Variants in GRK7 observed in about 807,000 individuals in gnomAD.
GRK7 encodes the protein G protein-coupled receptor kinase 7.
A neutral mutation model predicts 34.1 loss-of-function variants in GRK7; 24 were observed. That is an observed-to-expected ratio of 0.70 (90% CI 0.51 to 0.99). GRK7 has a LOEUF of 0.99. Ranked by LOEUF, GRK7 falls within the 50% of genes least tolerant of loss-of-function variation. GRK7 has a pLI of 0.00. For missense variants in GRK7, 644 were observed against 707.3 expected, an observed-to-expected ratio of 0.91 and a Z score of 1.02; for synonymous variants, 256 against 279.4, an observed-to-expected ratio of 0.92 and a Z score of 0.84.
At position 141,780,620 on chromosome 3, in the gene GRK7, G is replaced by A; in HGVS notation, c.859G>A (p.Gly287Ser). 1 of 1,614,230 alleles carries A rather than the reference G, an allele frequency of 6.2e-7. No individual in the cohort carries two copies. Among genetic ancestry groups the A allele is most frequent in the South Asian group, 1.1e-5 (1 of 91,084 alleles). The change falls in exon 4 of 6, where the codon GGC (glycine) becomes AGC (serine). Residue 287 changes from glycine (G) to serine (S), a missense_variant. Transcript: ENST00000682958. Reference protein sequence around the residue: ...KFHIYNVGTRGLDMSRVIFYS... With the variant: ...KFHIYNVGTRSLDMSRVIFYS... ...CCACATCTACAACGTGGGCACGCGTGGCCTGGACATGAGCCGGGTGATCTT... is the reference window on the plus strand; with the variant it reads ...CCACATCTACAACGTGGGCACGCGTAGCCTGGACATGAGCCGGGTGATCTT...
chr3:141,765,363 T>G lies in GRK7; in HGVS notation c.-590T>G, dbSNP rs1162910449. ...CTTGCCTGACCACCCTATTTAAAAG[T>G]GAAGCCTTCTCCCTGGTGTATCTCA... is the stretch of plus-strand genomic sequence containing the variant. On this transcript the variant is annotated 5_prime_UTR_variant, in exon 1 of 6. Coordinates refer to ENST00000682958, the MANE Select transcript of GRK7 (RefSeq NM_139209.3). 6.6e-6 allele frequency among the ~76,000 whole-genome samples: 1 copy of G among 152,170 alleles called. No individual in the cohort carries two copies. Among genetic ancestry groups the G allele is most frequent in the Non-Finnish European group, 1.5e-5 (1 of 68,026 alleles).
intron 3 of GRK7, among the ~76,000 whole-genome samples, chr3:141,779,423 A>AAAAAAG (rs1553735436): frequency 2.7e-5 from 4 of 150,532 alleles, no homozygotes; most frequent in Admixed American, 2.0e-4. Context: ...AAAAAAAAAA[A>AAAAAAG]AAAGAAAGAA....
chr3:141,772,627 A>G (rs2084621760), intron 1 of GRK7, among the ~76,000 whole-genome samples: 1 of 152,156 alleles, frequency 6.6e-6, no homozygotes, highest in Non-Finnish European at 1.5e-5. Context: ...CTTAGGATGT[A>G]TTTTCAGAGA....
At chr3:141,772,214 C>G (rs1487870430) in intron 1 of GRK7, among the ~76,000 whole-genome samples, 1 of 152,166 alleles carries the variant, frequency 6.6e-6, no homozygotes, top group Non-Finnish European at 1.5e-5. Flanking sequence ...CCTGCCTCAG[C>G]CTCCCAAGTA....
chr3:141,773,846 A>T (rs1038358936), intron 1 of GRK7, among the ~76,000 whole-genome samples: 1 of 152,232 alleles, frequency 6.6e-6, no homozygotes, highest in African/African-American at 2.4e-5. Context: ...ACTAAGGCTC[A>T]GAGAAGTTAA....
intron 4 of GRK7, among the ~76,000 whole-genome samples, chr3:141,797,888 C>A (rs77398751): frequency 0.048 from 7,364 of 152,226 alleles, 167 homozygotes; most frequent in South Asian, 0.093. Flanking sequence ...GAAGGACCTG[C>A]GCACACTCAT....
chr3:141,787,248 T>A (rs537383073), intron 4 of GRK7, among the ~76,000 whole-genome samples: 1 of 152,176 alleles, frequency 6.6e-6, no homozygotes, highest in African/African-American at 2.4e-5. Flanking sequence ...TTTGTGGTAA[T>A]TTGTTACACA....
In GRK7 at chr3:141,817,560, T is replaced by C. The variant is rs1292630050; in HGVS notation, c.*510T>C. 2 of 152,400 alleles carry C rather than the reference T, an allele frequency of 1.3e-5. No individual in the cohort carries two copies. Among genetic ancestry groups the C allele is most frequent in the Non-Finnish European group, 2.9e-5 (2 of 68,138 alleles). 9.4% of individuals were successfully genotyped at this position (152,400 alleles called of 1,614,324 possible). On this transcript the variant is annotated 3_prime_UTR_variant, in exon 6 of 6. Transcript: ENST00000682958. ...GGAGTGGATTACAATATTTTGGCAA[T>C]GTTTTAAATCACAGAATAATTTTCA...
At chr3:141,790,819 C>T (rs1019664639) in intron 4 of GRK7, among the ~76,000 whole-genome samples, 8 of 152,212 alleles carry the variant, frequency 5.3e-5, no homozygotes, top group African/African-American at 1.9e-4. Context: ...CCACCTCGGC[C>T]TCTCAAAGTG....
intron 5 of GRK7, among the ~76,000 whole-genome samples, chr3:141,808,667 C>T (rs1431211161): frequency 1.3e-5 from 2 of 152,032 alleles, no homozygotes; most frequent in Non-Finnish European, 1.5e-5. Context: ...GAGCCAAGAT[C>T]AAGCCACTGC....
At chr3:141,776,249 T>C (rs2084638130) in intron 2 of GRK7, among the ~76,000 whole-genome samples, 2 of 151,988 alleles carry the variant, frequency 1.3e-5, no homozygotes, top group African/African-American at 4.8e-5. Context: ...ATCACGCCAC[T>C]GCACTCCAGC....
intron 4 of GRK7, among the ~76,000 whole-genome samples, chr3:141,796,030 C>T (rs538298230): frequency 6.6e-6 from 1 of 152,292 alleles, no homozygotes; most frequent in Non-Finnish European, 1.5e-5. Flanking sequence ...ATGTTAGAAG[C>T]TCAGAGCATT....
Position 141,763,979 on chromosome 3 carries a change from T to G in GRK7, c.-1974T>G, listed in dbSNP as rs1247149536. On this transcript the variant is annotated 5_prime_UTR_variant, in exon 1 of 6. An upstream start codon of the reference 5' UTR is lost. Coordinates refer to ENST00000682958, the MANE Select transcript of GRK7 (RefSeq NM_139209.3). ...CCTCATCCAACTGGACCTGGCAACATGCAAGACGTCTTCATTTCTCTTCAT... is the reference window on the plus strand; with the variant it reads ...CCTCATCCAACTGGACCTGGCAACAGGCAAGACGTCTTCATTTCTCTTCAT... 1.3e-5 allele frequency among the ~76,000 whole-genome samples: 2 copies of G among 152,182 alleles called. No homozygotes were observed. Among genetic ancestry groups the G allele is most frequent in the African/African-American group, 4.8e-5 (2 of 41,446 alleles).
the GRK7 span, among the ~76,000 whole-genome samples, chr3:141,754,242 T>A: frequency 6.6e-6 from 1 of 152,196 alleles, no homozygotes; most frequent in Admixed American, 6.5e-5. Flanking sequence ...CATCAGAAAC[T>A]AGGCTTTCTG....
intron 4 of GRK7, among the ~76,000 whole-genome samples, chr3:141,800,870 G>A (rs1485579630): frequency 6.6e-6 from 1 of 152,152 alleles, no homozygotes; most frequent in Non-Finnish European, 1.5e-5. Context: ...ATTTATGAGG[G>A]CGTATTTAAT....
chr3:141,797,537 T>C (rs147681922), intron 4 of GRK7, among the ~76,000 whole-genome samples: 1 of 152,244 alleles, frequency 6.6e-6, no homozygotes, highest in Admixed American at 6.5e-5. Flanking sequence ...CTTGTTTTTT[T>C]CCTCTGCTCA....
upstream of GRK7, among the ~76,000 whole-genome samples, chr3:141,762,373 C>A (rs1031363252): frequency 7.6e-5 from 11 of 145,236 alleles, no homozygotes; most frequent in African/African-American, 2.3e-4. Flanking sequence ...AATACCCTGC[C>A]GTGTGAGGTG....
chr3:141,750,218 A>G, the GRK7 span, among the ~76,000 whole-genome samples: 1 of 152,166 alleles, frequency 6.6e-6, no homozygotes, highest in Admixed American at 6.5e-5. Flanking sequence ...GCCTTTCAGA[A>G]TGGGAGTAAG....
chr3:141,779,300 C>A (rs2084658754), intron 3 of GRK7, among the ~76,000 whole-genome samples: 1 of 150,540 alleles, frequency 6.6e-6, no homozygotes, highest in South Asian at 2.1e-4. Context: ...CCTGTAATCC[C>A]AGCTACTTGG....
Sources: gnomAD v4.1 joint callset for allele counts (sites outside exome capture counted in the v4.1 genomes callset) on GRCh38, gnomAD v4.1.1 for gene constraint, MANE v1.5 for transcripts, NCBI Gene and HGNC (gene_info 2026-07-23, HGNC 2026-07-21) for gene names.